The following MGAT4C variants were observed in gnomAD, a reference collection of about 807,000 sequenced individuals.
The protein encoded by MGAT4C is MGAT4 family member C.
In MGAT4C, 19 loss-of-function variants were observed where a neutral mutation model predicts 40.1. The ratio of observed to expected loss-of-function variants is 0.47; its 90% CI spans 0.33 to 0.70. The LOEUF (loss-of-function observed/expected upper bound fraction) is 0.70, where lower values mean the gene tolerates loss of function less well. Among genes scored for constraint, MGAT4C ranks in the 30% least tolerant of loss-of-function variants. The pLI, the probability that MGAT4C is intolerant of heterozygous loss-of-function variation, is 0.02. For synonymous variants in MGAT4C, 181 were observed against 187.1 expected (o/e 0.97, Z 0.27); for missense variants, 491 against 563.2 (o/e 0.87, Z 1.30).
At chr12:86,534,385 A>G (rs1959036226) in intron 2 of MGAT4C, among the ~76,000 whole-genome samples, 1 of 152,086 alleles carries the variant, frequency 6.6e-6, no homozygotes, top group African/African-American at 2.4e-5. Flanking sequence ...TCTGAACTGA[A>G]CTAATGTATA....
chr12:86,120,875 C>T (rs1879269036), intron 1 of MGAT4C, among the ~76,000 whole-genome samples: 1 of 152,158 alleles, frequency 6.6e-6, no homozygotes, highest in Non-Finnish European at 1.5e-5. Context: ...AGCAATGGAA[C>T]AAAGCTGGAC....
intron 4 of MGAT4C, among the ~76,000 whole-genome samples, chr12:86,311,221 T>C (rs1158686311): frequency 7.2e-5 from 11 of 152,202 alleles, no homozygotes; most frequent in African/African-American, 2.7e-4. Context: ...ACACCTAGGC[T>C]ATATGGGATA....
chr12:86,806,146 A>G (rs940633859), intron 1 of MGAT4C, among the ~76,000 whole-genome samples: 1 of 151,824 alleles, frequency 6.6e-6, no homozygotes, highest in Non-Finnish European at 1.5e-5. Context: ...TTTATTTATC[A>G]ATGTATAGAA....
intron 4 of MGAT4C, among the ~76,000 whole-genome samples, chr12:86,332,689 G>A (rs1954698875): frequency 1.3e-5 from 2 of 151,812 alleles, no homozygotes; most frequent in Admixed American, 6.6e-5. Context: ...AAGCAGCTCT[G>A]CATTTTTTCA....
At chr12:86,407,687 A>C (rs1956502749) in intron 3 of MGAT4C, among the ~76,000 whole-genome samples, 1 of 152,016 alleles carries the variant, frequency 6.6e-6, no homozygotes, top group African/African-American at 2.4e-5. Flanking sequence ...AGTTTCATAA[A>C]ACTGTTTATT....
chr12:86,080,808 T>A (rs1235152909), intron 1 of MGAT4C, among the ~76,000 whole-genome samples: 1 of 152,212 alleles, frequency 6.6e-6, no homozygotes, highest in East Asian at 1.9e-4. Context: ...TGAAGTTATC[T>A]TCCCAGCGTG....
At chr12:86,149,634 C>A (rs564491710) in intron 1 of MGAT4C, among the ~76,000 whole-genome samples, 16 of 152,126 alleles carry the variant, frequency 1.1e-4, no homozygotes, top group Non-Finnish European at 2.1e-4. Flanking sequence ...CACTAAAAAT[C>A]TTAACTGACA....
At chr12:86,745,480 A>G (rs2136135326) in intron 1 of MGAT4C, among the ~76,000 whole-genome samples, 1 of 151,804 alleles carries the variant, frequency 6.6e-6, no homozygotes, top group South Asian at 2.1e-4. Context: ...CTGGAGTCCA[A>G]CTTTACAATA....
chr12:86,669,853 A>G (rs1964209289), intron 2 of MGAT4C, among the ~76,000 whole-genome samples: 1 of 152,202 alleles, frequency 6.6e-6, no homozygotes, highest in African/African-American at 2.4e-5. Flanking sequence ...GCTCTTACCT[A>G]TAAGTTTCAT....
intron 1 of MGAT4C, among the ~76,000 whole-genome samples, chr12:86,187,068 A>G (rs1888841461): frequency 6.6e-6 from 1 of 152,124 alleles, no homozygotes; most frequent in Non-Finnish European, 1.5e-5. Flanking sequence ...GCATGCACAC[A>G]TTCTGCACAT....
chr12:86,254,503 A>T (rs1952435603), intron 1 of MGAT4C, among the ~76,000 whole-genome samples: 1 of 152,058 alleles, frequency 6.6e-6, no homozygotes, highest in Non-Finnish European at 1.5e-5. Context: ...TTAAAGAATT[A>T]ATTATTAGGA....
At chr12:86,601,863 C>T (rs1204579345) in intron 2 of MGAT4C, among the ~76,000 whole-genome samples, 2 of 152,152 alleles carry the variant, frequency 1.3e-5, no homozygotes, top group Non-Finnish European at 2.9e-5. Context: ...AGGTCTGAAG[C>T]CTTTCTGGGA....
chr12:86,639,018 C>T (rs1014503763), intron 2 of MGAT4C, among the ~76,000 whole-genome samples: 76 of 151,744 alleles, frequency 5.0e-4, no homozygotes, highest in African/African-American at 1.6e-3. Context: ...ATTGGTTTTG[C>T]AGATATAAAT....
chr12:86,202,100 T>C (rs1172658759), intron 1 of MGAT4C, among the ~76,000 whole-genome samples: 1 of 152,144 alleles, frequency 6.6e-6, no homozygotes, highest in African/African-American at 2.4e-5. Context: ...GCTTAGTTTC[T>C]TTTCAGTCAC....
At chr12:86,354,069 G>T (rs1369074918) in intron 3 of MGAT4C, among the ~76,000 whole-genome samples, 2 of 152,322 alleles carry the variant, frequency 1.3e-5, no homozygotes, top group African/African-American at 4.8e-5. Context: ...ACTTTGATAT[G>T]ATGAATGTGA....
intron 1 of MGAT4C, among the ~76,000 whole-genome samples, chr12:86,213,535 G>C (rs1454304420): frequency 6.6e-6 from 1 of 151,918 alleles, no homozygotes; most frequent in African/African-American, 2.4e-5. Context: ...ATATGTAATA[G>C]CTATTTTTTT....
At chr12:86,636,246 C>G (rs565921776) in intron 2 of MGAT4C, among the ~76,000 whole-genome samples, 4 of 152,132 alleles carry the variant, frequency 2.6e-5, no homozygotes, top group East Asian at 1.9e-4. Flanking sequence ...CGTGACTGTA[C>G]TGAAATACAC....
intron 1 of MGAT4C, among the ~76,000 whole-genome samples, chr12:86,764,393 A>G (rs1350158103): frequency 1.3e-5 from 2 of 152,178 alleles, no homozygotes; most frequent in East Asian, 3.9e-4. Flanking sequence ...ACCACAGCTC[A>G]AGGAGGCCTG....
chr12:86,684,125 C>T (rs546621114), intron 2 of MGAT4C, among the ~76,000 whole-genome samples: 1 of 152,238 alleles, frequency 6.6e-6, no homozygotes, highest in Admixed American at 6.5e-5. Context: ...CCTGTAACCC[C>T]AGCACTTTGG....
Sources: allele counts gnomAD v4.1 joint callset (sites outside exome capture counted in the v4.1 genomes callset), GRCh38; gene constraint gnomAD v4.1.1; transcripts MANE v1.5; gene names NCBI Gene and HGNC (gene_info 2026-07-23, HGNC 2026-07-21).